The following CLCN5 variants were observed in gnomAD, a reference collection of about 807,000 sequenced individuals.
The protein encoded by CLCN5 is H(+)/Cl(-) exchange transporter 5.
A neutral mutation model predicts 54.0 loss-of-function variants in CLCN5; 17 were observed. The observed-to-expected ratio is 0.31, with a 90% CI of 0.22 to 0.47. CLCN5 has a LOEUF of 0.47. Ranked by LOEUF, CLCN5 falls within the 20% of genes least tolerant of loss-of-function variation. The pLI, the probability that CLCN5 is intolerant of heterozygous loss-of-function variation, is 1.00. For missense variants in CLCN5, 448 were observed against 646.7 expected (o/e 0.69, Z 3.33); for synonymous variants, 222 against 233.0 (o/e 0.95, Z 0.43).
chrX:50,034,967 A>G (rs1328630985), intron 3 of CLCN5, among the ~76,000 whole-genome samples: 1 of 111,041 alleles, frequency 9.0e-6, no homozygotes, highest in East Asian at 2.8e-4. Context: ...GCTCCTCAAA[A>G]ACCTCAGTGA....
intron 4 of CLCN5, among the ~76,000 whole-genome samples, chrX:50,062,074 C>A: frequency 9.4e-6 from 1 of 106,918 alleles, no homozygotes; most frequent in Non-Finnish European, 1.9e-5. Flanking sequence ...TAAAGACCAT[C>A]GAGACTAGGA....
intron 3 of CLCN5, among the ~76,000 whole-genome samples, chrX:49,929,066 A>G (rs782327678): frequency 2.7e-5 from 3 of 111,889 alleles, no homozygotes; most frequent in African/African-American, 9.7e-5. Flanking sequence ...CCGTGGGCTC[A>G]TGGAAGAGGC....
At chrX:50,041,428 A>T (rs943670782) in intron 3 of CLCN5, among the ~76,000 whole-genome samples, 5 of 111,301 alleles carry the variant, frequency 4.5e-5, no homozygotes, top group African/African-American at 1.6e-4. Context: ...TACACTTGGG[A>T]TGAAGAACAT....
chrX:50,017,635 C>G (rs377010900), intron 3 of CLCN5, among the ~76,000 whole-genome samples: 2 of 109,741 alleles, frequency 1.8e-5, no homozygotes, highest in Non-Finnish European at 3.8e-5. Context: ...GGTCAGTCAT[C>G]TATTTTGAGT....
chrX:50,038,144 A>G (rs1332935573), intron 3 of CLCN5, among the ~76,000 whole-genome samples: 1 of 112,172 alleles, frequency 8.9e-6, no homozygotes, highest in East Asian at 2.8e-4. Flanking sequence ...GAAGTTTGGA[A>G]AATTTGAGTA....
intron 3 of CLCN5, among the ~76,000 whole-genome samples, chrX:49,940,062 G>A (rs1469739022): frequency 1.8e-5 from 2 of 111,144 alleles, no homozygotes; most frequent in Non-Finnish European, 3.8e-5. Flanking sequence ...TTTTAGTTTT[G>A]AAGCCAGAAT....
At chrX:50,031,801 G>A (rs1287951658) in intron 3 of CLCN5, among the ~76,000 whole-genome samples, 8 of 107,278 alleles carry the variant, frequency 7.5e-5, no homozygotes, top group Non-Finnish European at 1.5e-4. Context: ...CATGTGCCAT[G>A]CTGGTGTGCT....
chrX:50,078,822 TTTTG>T (rs1315606172), intron 7 of CLCN5, among the ~76,000 whole-genome samples: 5 of 111,449 alleles, frequency 4.5e-5, no homozygotes, highest in African/African-American at 9.8e-5. Context: ...AGGTTTTGGT[TTTTG>T]TTTGTTTGTT....
At chrX:49,926,153 G>A (rs1925329016) in intron 3 of CLCN5, among the ~76,000 whole-genome samples, 2 of 112,328 alleles carry the variant, frequency 1.8e-5, no homozygotes, top group African/African-American at 6.5e-5. Flanking sequence ...GTGGTCTAAT[G>A]TATCTTTTAA....
At chrX:49,992,794 C>T (rs1227643375) in intron 3 of CLCN5, among the ~76,000 whole-genome samples, 1 of 111,367 alleles carries the variant, frequency 9.0e-6, no homozygotes, top group Non-Finnish European at 1.9e-5. Flanking sequence ...GGATATACTG[C>T]CATTATAAAG....
intron 3 of CLCN5, among the ~76,000 whole-genome samples, chrX:49,938,744 T>C (rs1435616903): frequency 4.6e-5 from 5 of 107,699 alleles, no homozygotes; most frequent in African/African-American, 1.3e-4. Context: ...GGACTTCATG[T>C]CTAAAACACC....
intron 7 of CLCN5, among the ~76,000 whole-genome samples, chrX:50,077,002 C>G (rs1288593480): frequency 8.9e-6 from 1 of 112,193 alleles, no homozygotes; most frequent in Non-Finnish European, 1.9e-5. Flanking sequence ...AAGACAGGTA[C>G]CATCTTAGTT....
At chrX:49,941,335 G>C (rs1926320420) in intron 3 of CLCN5, among the ~76,000 whole-genome samples, 1 of 110,763 alleles carries the variant, frequency 9.0e-6, no homozygotes, top group Non-Finnish European at 1.9e-5. Context: ...AAAAGCACAT[G>C]GTGAGTACTC....
At chrX:49,946,656 A>G (rs1284135522) in intron 3 of CLCN5, among the ~76,000 whole-genome samples, 1 of 110,510 alleles carries the variant, frequency 9.0e-6, no homozygotes, top group Non-Finnish European at 1.9e-5. Flanking sequence ...GCCATATTCT[A>G]TTGGTTAGAA....
chrX:50,089,019 TTA>T lies in CLCN5; in HGVS notation c.1744+136_1744+137del. On this transcript the variant is annotated intron_variant, in intron 12 of 14. Transcript: ENST00000376091. The stretch of plus-strand genomic sequence containing the variant: ...TTAGGTTTGCCATTTTCCAAGCACA[TTA>T]AGAAAGCATCTGGTATACAGATGAG... The T allele has an allele frequency of 7.1e-6, 4 of 566,426 alleles. No homozygotes were observed. In the South Asian group the frequency reaches 9.9e-5, roughly 14 times the overall value. 46.7% of individuals were successfully genotyped at this position (566,426 alleles called of 1,213,427 possible). A position where few individuals can be genotyped will look rare whatever the true frequency, so the allele number is the denominator to read the frequency against.
chrX:50,033,535 A>G (rs1557186175), intron 3 of CLCN5, among the ~76,000 whole-genome samples: 1 of 111,751 alleles, frequency 8.9e-6, no homozygotes, highest in Admixed American at 9.5e-5. Flanking sequence ...AAAGAAACGG[A>G]AGAACATTCC....
chrX:49,991,612 G>T (rs1177828187), intron 3 of CLCN5, among the ~76,000 whole-genome samples: 3 of 111,975 alleles, frequency 2.7e-5, no homozygotes, highest in Non-Finnish European at 5.6e-5. Flanking sequence ...TCTTGGTCAT[G>T]AACTCTTTGC....
At chrX:50,069,836 A>G in intron 4 of CLCN5, 43 bp from the exon 5 acceptor site, 1 of 1,149,109 alleles carries the variant, frequency 8.7e-7, no homozygotes, top group Non-Finnish European at 1.2e-6. Context: ...TAAAAATGTT[A>G]AGAATTTCTG....
intron 4 of CLCN5, among the ~76,000 whole-genome samples, chrX:50,046,230 C>T (rs1225121289): frequency 8.9e-6 from 1 of 112,515 alleles, no homozygotes; most frequent in African/African-American, 3.2e-5. Context: ...ACTTGCCTGC[C>T]TCTGCAGCCT....
Sources: gnomAD v4.1 joint callset for allele counts (sites outside exome capture counted in the v4.1 genomes callset) on GRCh38, gnomAD v4.1.1 for gene constraint, MANE v1.5 for transcripts, NCBI Gene and HGNC (gene_info 2026-07-23, HGNC 2026-07-21) for gene names.